ST6GALNAC3: variants seen among roughly 807,000 people sequenced by gnomAD.
The protein encoded by ST6GALNAC3 is ST6 N-acetylgalactosaminide alpha-2,6-sialyltransferase 3.
Under a neutral mutation model 32.7 loss-of-function variants are expected in ST6GALNAC3, and 25 were observed. That is an observed-to-expected ratio of 0.76 (90% confidence interval 0.56 to 1.07). ST6GALNAC3 has a LOEUF of 1.07. Among genes scored for constraint, ST6GALNAC3 ranks in the 50% least tolerant of loss-of-function variants. The probability of loss-of-function intolerance (pLI) is 0.00; values close to 1 mark genes in which losing one functional copy is unlikely to be tolerated. For synonymous variants in ST6GALNAC3, 129 were observed against 133.1 expected, an observed-to-expected ratio of 0.97 and a Z score of 0.21; for missense variants, 355 against 382.4, an observed-to-expected ratio of 0.93 and a Z score of 0.60.
rs1349982742 is a variant in ST6GALNAC3, at chr1:76,457,836, T to A, written c.623+45419T>A. Among the ~76,000 whole-genome samples the A allele has an allele frequency of 2.0e-5, 3 of 150,226 alleles. No individual in the cohort carries two copies. The South Asian group carries it at 6.3e-4, about 31-fold the overall frequency. The stretch of plus-strand genomic sequence containing the variant: ...GACATAGGCATGGGCAAGGACTTCA[T>A]GTCTAAAACACCAAAAGCAATGGCA... On this transcript the variant is annotated intron_variant, in intron 3 of 4. Transcript: ENST00000328299.
At chr1:76,262,425 A>G (rs1658292641) in intron 1 of ST6GALNAC3, among the ~76,000 whole-genome samples, 1 of 152,220 alleles carries the variant, frequency 6.6e-6, no homozygotes, top group South Asian at 2.1e-4. Flanking sequence ...CATTTGCTGT[A>G]ATACTTAAGG....
intron 2 of ST6GALNAC3, among the ~76,000 whole-genome samples, chr1:76,323,863 G>T (rs1053003580): frequency 6.6e-6 from 1 of 151,718 alleles, no homozygotes; most frequent in Non-Finnish European, 1.5e-5. Flanking sequence ...TTTATTACTA[G>T]AATTTTTTTT....
intron 2 of ST6GALNAC3, among the ~76,000 whole-genome samples, chr1:76,369,318 G>A (rs1267857849): frequency 1.3e-5 from 2 of 152,034 alleles, no homozygotes; most frequent in East Asian, 1.9e-4. Flanking sequence ...AGAGCAAGCT[G>A]GTACCTTGAC....
In ST6GALNAC3 at chr1:76,208,808, G is replaced by A. The variant is rs1052933457; in HGVS notation, c.19-104997G>A. ...ATCATCAATACTTTTCATACTAAAC[G>A]TTCTCTCCTATTGGATTTACCTGGA... On this transcript the variant is annotated intron_variant, in intron 1 of 4. Transcript: ENST00000328299. 2.0e-5 allele frequency among the ~76,000 whole-genome samples: 3 copies of A among 152,116 alleles called. No homozygotes were observed. In the East Asian group the frequency reaches 5.8e-4, roughly 29 times the overall value.
chr1:76,482,763 A>T (rs1659811852), intron 3 of ST6GALNAC3, among the ~76,000 whole-genome samples: 1 of 152,046 alleles, frequency 6.6e-6, no homozygotes, highest in Non-Finnish European at 1.5e-5. Context: ...TCTAGGGCAC[A>T]TGTGCACAAT....
intron 1 of ST6GALNAC3, among the ~76,000 whole-genome samples, chr1:76,081,267 G>A (rs190836241): frequency 1.5e-5 from 2 of 133,832 alleles, no homozygotes; most frequent in East Asian, 4.5e-4. Context: ...ACACTAACAC[G>A]AATGACAGCT....
chr1:76,608,626 T>TGC (rs1399299595), intron 3 of ST6GALNAC3, among the ~76,000 whole-genome samples: 1 of 151,668 alleles, frequency 6.6e-6, no homozygotes, highest in Non-Finnish European at 1.5e-5. Flanking sequence ...TGTGTGTGTG[T>TGC]GTGTGTGTGT....
At chr1:76,282,360 A>G (rs998038598) in intron 1 of ST6GALNAC3, among the ~76,000 whole-genome samples, 1 of 152,166 alleles carries the variant, frequency 6.6e-6, no homozygotes, top group South Asian at 2.1e-4. Context: ...CACATTACAA[A>G]TGCAATTATA....
At chr1:76,358,910 C>T (rs1002784) in intron 2 of ST6GALNAC3, among the ~76,000 whole-genome samples, 8,067 of 152,234 alleles carry the variant, frequency 0.053, 254 homozygotes, top group African/African-American at 0.091. Flanking sequence ...TCTTTTACCT[C>T]TTAGATCAAT....
chr1:76,350,200 T>C (rs1476640136), intron 2 of ST6GALNAC3, among the ~76,000 whole-genome samples: 2 of 152,198 alleles, frequency 1.3e-5, no homozygotes, highest in Non-Finnish European at 2.9e-5. Context: ...TTTTGATTTT[T>C]ATTTTTTAAA....
At chr1:76,140,616 CTTTTCTTTCTTTCT>C (rs1249408351) in intron 1 of ST6GALNAC3, among the ~76,000 whole-genome samples, 5 of 125,890 alleles carry the variant, frequency 4.0e-5, no homozygotes, top group South Asian at 2.8e-4. Context: ...TTCTTTCTTT[CTTTTCTTTCTTTCT>C]TTTTTTTTTT....
intron 2 of ST6GALNAC3, among the ~76,000 whole-genome samples, chr1:76,395,472 C>G (rs1273834567): frequency 7.2e-5 from 11 of 152,122 alleles, no homozygotes. Flanking sequence ...ATCAGTATAT[C>G]AAAAGTATAC....
intron 1 of ST6GALNAC3, among the ~76,000 whole-genome samples, chr1:76,291,529 G>GA (rs1660091010): frequency 6.6e-6 from 1 of 152,220 alleles, no homozygotes; most frequent in South Asian, 2.1e-4. Flanking sequence ...TAACAGACAT[G>GA]AAAGAATCAA....
chr1:76,262,990 C>T (rs1453467795), intron 1 of ST6GALNAC3, among the ~76,000 whole-genome samples: 1 of 152,130 alleles, frequency 6.6e-6, no homozygotes, highest in African/African-American at 2.4e-5. Flanking sequence ...AGGATTTTGT[C>T]TAAGAGTACC....
rs568974912 is a variant in ST6GALNAC3 at position 76,611,696 on chromosome 1, AAAT to A, written c.624-15746_624-15744del. 5.9e-5 allele frequency among the ~76,000 whole-genome samples: 9 copies of A among 152,338 alleles called. No homozygotes were observed. In the East Asian group the frequency reaches 1.7e-3, roughly 29 times the overall value. On this transcript the variant is annotated intron_variant, in intron 3 of 4. Coordinates refer to ENST00000328299, the MANE Select transcript of ST6GALNAC3 (RefSeq NM_152996.4). ...TTTTTCTCTAGTAATGTACAGCAAA[AAAT>A]AATAATAATCAAAGGAAAATTTTGG...
At chr1:76,506,430 G>C (rs1340494228) in intron 3 of ST6GALNAC3, among the ~76,000 whole-genome samples, 1 of 152,110 alleles carries the variant, frequency 6.6e-6, no homozygotes, top group Non-Finnish European at 1.5e-5. Context: ...TTGCCCTGAG[G>C]CTTTCTTTCC....
chr1:76,370,733 A>G (rs1402326820), intron 2 of ST6GALNAC3, among the ~76,000 whole-genome samples: 3 of 152,152 alleles, frequency 2.0e-5, no homozygotes, highest in Non-Finnish European at 4.4e-5. Flanking sequence ...ACTAATTTAT[A>G]TGCAGATTAG....
intron 1 of ST6GALNAC3, among the ~76,000 whole-genome samples, chr1:76,288,117 A>G (rs905647874): frequency 5.9e-5 from 9 of 152,236 alleles, no homozygotes; most frequent in Admixed American, 2.0e-4. Context: ...TCTGCTTACC[A>G]GGATTTTAAT....
intron 1 of ST6GALNAC3, among the ~76,000 whole-genome samples, chr1:76,206,330 A>G (rs1157959139): frequency 6.6e-6 from 1 of 152,192 alleles, no homozygotes; most frequent in Non-Finnish European, 1.5e-5. Context: ...GGGTGCGGAA[A>G]GAGTGTGACC....
Sources: gnomAD v4.1 joint callset for allele counts (sites outside exome capture counted in the v4.1 genomes callset) on GRCh38, gnomAD v4.1.1 for gene constraint, MANE v1.5 for transcripts, NCBI Gene and HGNC (gene_info 2026-07-23, HGNC 2026-07-21) for gene names.